Variants in LRRTM4 observed in about 807,000 individuals in gnomAD.
LRRTM4 encodes the protein leucine-rich repeat transmembrane neuronal protein 4.
LRRTM4 carries 25 observed loss-of-function variants against 47.6 expected under a neutral mutation model. The observed-to-expected ratio is 0.53, with a 90% CI of 0.38 to 0.73. The LOEUF is 0.73. Among genes scored for constraint, LRRTM4 ranks in the 30% least tolerant of loss-of-function variants. The pLI is 0.00. For synonymous variants in LRRTM4, 311 were observed against 269.5 expected (o/e 1.15, Z -1.51); for missense variants, 638 against 713.4 (o/e 0.89, Z 1.20).
intron 3 of LRRTM4, among the ~76,000 whole-genome samples, chr2:76,831,769 GT>G (rs1192262635): frequency 2.0e-5 from 3 of 151,904 alleles, no homozygotes; most frequent in Non-Finnish European, 4.4e-5. Context: ...TCCTACTGTT[GT>G]CACTAACCTC....
chr2:76,814,776 A>G (rs1408582752), intron 3 of LRRTM4, among the ~76,000 whole-genome samples: 1 of 151,666 alleles, frequency 6.6e-6, no homozygotes, highest in Non-Finnish European at 1.5e-5. Context: ...CAATAGCAAT[A>G]CTAAAATGGC....
At position 76,812,904 on chromosome 2, in the gene LRRTM4, T is replaced by C. The variant is rs528936209; in HGVS notation, c.1552-63988A>G. ...TTAGTGGCCACACTGAATTTATACA[T>C]TGAAATAGGATTTTTCCAAGTCAGA... On this transcript the variant is annotated intron_variant, in intron 3 of 3. Transcript: ENST00000409884. Among the ~76,000 whole-genome samples the C allele has an allele frequency of 2.6e-5, 4 of 151,322 alleles. No individual in the cohort carries two copies. In the South Asian group the frequency reaches 8.4e-4, roughly 32 times the overall value.
At chr2:77,270,286 G>C (rs909871222) in intron 3 of LRRTM4, among the ~76,000 whole-genome samples, 3 of 152,128 alleles carry the variant, frequency 2.0e-5, no homozygotes, top group Non-Finnish European at 4.4e-5. Flanking sequence ...AATAGGTCTT[G>C]CTCTCGGTTT....
chr2:76,916,479 T>TA (rs1261896768), intron 3 of LRRTM4, among the ~76,000 whole-genome samples: 1 of 151,982 alleles, frequency 6.6e-6, no homozygotes, highest in East Asian at 1.9e-4. Flanking sequence ...CCATGCTTTT[T>TA]AAGTTACATA....
rs190295955 is a variant in LRRTM4 at position 77,060,325 on chromosome 2, C to A, written c.1552-311409G>T. 9.3e-4 allele frequency among the ~76,000 whole-genome samples: 141 copies of A among 151,822 alleles called. 1 individual carries two copies. The highest frequency in any genetic ancestry group is 1.6e-3 in the Non-Finnish European group (112 of 67,948). ...TTTTCAAATTTTTGTGCTAAACATG[C>A]AATTATTTTGTAATATAAAGATGCT... On this transcript the variant is annotated intron_variant, in intron 3 of 3. Coordinates refer to ENST00000409884, the MANE Select transcript of LRRTM4 (RefSeq NM_001134745.3).
At chr2:77,097,229 T>C (rs1670834854) in intron 3 of LRRTM4, among the ~76,000 whole-genome samples, 1 of 151,918 alleles carries the variant, frequency 6.6e-6, no homozygotes, top group South Asian at 2.1e-4. Context: ...TGGCATAATA[T>C]TCAAATTATT....
At chr2:77,031,986 G>A (rs10199076) in intron 3 of LRRTM4, among the ~76,000 whole-genome samples, 10,444 of 151,730 alleles carry the variant, frequency 0.069, 816 homozygotes, top group African/African-American at 0.18. Context: ...TCATTTCTTC[G>A]CAAATCAAAA....
rs200074439 is a variant in LRRTM4 at position 77,123,308 on chromosome 2, AG to A, written c.1552-374393del. 8.9e-3 allele frequency among the ~76,000 whole-genome samples: 1,357 copies of A among 151,848 alleles called. 11 individuals carry two copies. The highest frequency in any genetic ancestry group is 0.012 in the Non-Finnish European group (832 of 67,932). On this transcript the variant is annotated intron_variant, in intron 3 of 3. Transcript: ENST00000409884. ...CATGCTTTTTATATCTTTACACTAAAGTATATCAACTTTCCTATTGAACTCC... is the reference window on the plus strand; with the variant it reads ...CATGCTTTTTATATCTTTACACTAAATATATCAACTTTCCTATTGAACTCC...
intron 3 of LRRTM4, among the ~76,000 whole-genome samples, chr2:76,844,999 G>C (rs918132420): frequency 6.6e-6 from 1 of 152,138 alleles, no homozygotes; most frequent in East Asian, 1.9e-4. Flanking sequence ...ATTCATTTTT[G>C]TGATGAAAGC....
intron 3 of LRRTM4, among the ~76,000 whole-genome samples, chr2:76,795,972 C>G (rs1479918535): frequency 6.7e-6 from 1 of 148,460 alleles, no homozygotes; most frequent in East Asian, 2.1e-4. Flanking sequence ...CATGTGCGAG[C>G]CGAAGCAGGG....
intron 3 of LRRTM4, among the ~76,000 whole-genome samples, chr2:77,416,449 T>C (rs575544401): frequency 1.3e-5 from 2 of 152,146 alleles, no homozygotes; most frequent in Non-Finnish European, 2.9e-5. Context: ...AACATTTACT[T>C]GTAAGAGGTT....
At chr2:76,922,014 G>T (rs1573317084) in intron 3 of LRRTM4, among the ~76,000 whole-genome samples, 1 of 152,138 alleles carries the variant, frequency 6.6e-6, no homozygotes, top group Non-Finnish European at 1.5e-5. Context: ...TCTGTTGACA[G>T]ATTAATTAAA....
intron 3 of LRRTM4, among the ~76,000 whole-genome samples, chr2:76,992,989 C>A (rs1279397712): frequency 6.6e-6 from 1 of 151,796 alleles, no homozygotes; most frequent in Non-Finnish European, 1.5e-5. Context: ...ACCATCTGAT[C>A]TTTGATGAAT....
At chr2:77,426,637 C>T (rs1160359960) in intron 3 of LRRTM4, among the ~76,000 whole-genome samples, 1 of 152,150 alleles carries the variant, frequency 6.6e-6, no homozygotes, top group Non-Finnish European at 1.5e-5. Context: ...AGTGGTTTCT[C>T]ACAATATCTG....
intron 3 of LRRTM4, among the ~76,000 whole-genome samples, chr2:77,215,877 A>G (rs1171929405): frequency 6.6e-6 from 1 of 152,202 alleles, no homozygotes; most frequent in African/African-American, 2.4e-5. Flanking sequence ...AATAATGAGT[A>G]TATGTTTATA....
intron 3 of LRRTM4, among the ~76,000 whole-genome samples, chr2:76,758,828 A>G (rs1375098169): frequency 1.3e-5 from 2 of 152,154 alleles, no homozygotes; most frequent in Admixed American, 1.3e-4. Context: ...TAAAGGGTCA[A>G]TAGTAAACAT....
intron 3 of LRRTM4, among the ~76,000 whole-genome samples, chr2:77,176,651 C>T (rs1673205827): frequency 2.0e-5 from 3 of 152,252 alleles, no homozygotes; most frequent in East Asian, 3.9e-4. Context: ...GTTGGATTGT[C>T]AGGATCAAGA....
chr2:77,440,118 A>G (rs1039210754), intron 3 of LRRTM4, among the ~76,000 whole-genome samples: 3 of 152,198 alleles, frequency 2.0e-5, no homozygotes, highest in Admixed American at 6.5e-5. Context: ...AGAATGTATT[A>G]AAAACCGTGT....
intron 3 of LRRTM4, among the ~76,000 whole-genome samples, chr2:77,148,927 G>T (rs1052257074): frequency 3.3e-5 from 5 of 152,100 alleles, no homozygotes; most frequent in Non-Finnish European, 5.9e-5. Context: ...CCCCTTTAAA[G>T]ATATTTCGTT....
Sources: allele counts gnomAD v4.1 joint callset (sites outside exome capture counted in the v4.1 genomes callset), GRCh38; gene constraint gnomAD v4.1.1; transcripts MANE v1.5; gene names NCBI Gene and HGNC (gene_info 2026-07-23, HGNC 2026-07-21).